ENTREP2: variants seen among roughly 807,000 people sequenced by gnomAD.
The protein encoded by ENTREP2 is endosomal transmembrane epsin interactor 2, also known as protein ENTREP2.
chr15:29,512,582 A>G, the ENTREP2 span, among the ~76,000 whole-genome samples: 1 of 152,332 alleles, frequency 6.6e-6, no homozygotes, highest in East Asian at 1.9e-4. Context: ...TGTTGGGATT[A>G]GTGACCTTAT....
At chr15:29,555,776 T>C in the ENTREP2 span, among the ~76,000 whole-genome samples, 1 of 152,202 alleles carries the variant, frequency 6.6e-6, no homozygotes, top group African/African-American at 2.4e-5. Context: ...TTCCTACCTC[T>C]TTCCTTTTTA....
chr15:29,133,801 C>T, the ENTREP2 span, among the ~76,000 whole-genome samples: 1 of 152,222 alleles, frequency 6.6e-6, no homozygotes, highest in African/African-American at 2.4e-5. Flanking sequence ...CTATGAACTA[C>T]AGCTCCTGTC....
the ENTREP2 span, chr15:29,374,948 T>C: frequency 6.6e-6 from 1 of 152,190 alleles, no homozygotes; most frequent in Non-Finnish European, 1.5e-5. Context: ...TACCTCCATG[T>C]GTCTACTTAA....
chr15:29,352,036 G>C, the ENTREP2 span, among the ~76,000 whole-genome samples: 1 of 152,172 alleles, frequency 6.6e-6, no homozygotes, highest in Admixed American at 6.5e-5. Context: ...CTGGACTCAA[G>C]CGATCCTCCC....
chr15:29,281,078 T>C, the ENTREP2 span, among the ~76,000 whole-genome samples: 3 of 152,210 alleles, frequency 2.0e-5, no homozygotes, highest in Non-Finnish European at 4.4e-5. Flanking sequence ...CATTTACCTC[T>C]AAGCAAATTA....
the ENTREP2 span, among the ~76,000 whole-genome samples, chr15:29,596,720 T>C: frequency 6.6e-6 from 1 of 152,134 alleles, no homozygotes; most frequent in African/African-American, 2.4e-5. Context: ...CAGGCTGGAG[T>C]GCAGTGGTAT....
At chr15:29,631,542 G>A in the ENTREP2 span, among the ~76,000 whole-genome samples, 1 of 152,200 alleles carries the variant, frequency 6.6e-6, no homozygotes, top group Non-Finnish European at 1.5e-5. Context: ...CAATGCGTAT[G>A]TACATCTGCA....
At chr15:29,344,923 C>T in the ENTREP2 span, among the ~76,000 whole-genome samples, 3 of 134,426 alleles carry the variant, frequency 2.2e-5, no homozygotes, top group East Asian at 2.1e-4. Flanking sequence ...TAAACACGCA[C>T]GCGCGCAGAC....
chr15:29,419,909 CT>C, the ENTREP2 span, among the ~76,000 whole-genome samples: 1 of 151,878 alleles, frequency 6.6e-6, no homozygotes, highest in Non-Finnish European at 1.5e-5. Flanking sequence ...CAAACTTACA[CT>C]AAAGAAAAGA....
At chr15:29,149,882 A>G in the ENTREP2 span, among the ~76,000 whole-genome samples, 1 of 152,214 alleles carries the variant, frequency 6.6e-6, no homozygotes, top group Non-Finnish European at 1.5e-5. Context: ...AGGAAGCCGG[A>G]TATTTCTGCT....
At chr15:29,187,766 G>A in the ENTREP2 span, among the ~76,000 whole-genome samples, 1 of 152,250 alleles carries the variant, frequency 6.6e-6, no homozygotes, top group Admixed American at 6.5e-5. Flanking sequence ...CACGCCCCTC[G>A]CTGTAAGCCA....
chr15:29,309,518 G>A, the ENTREP2 span, among the ~76,000 whole-genome samples: 42 of 152,166 alleles, frequency 2.8e-4, no homozygotes, highest in African/African-American at 7.2e-4. Context: ...GGTGGCTCAC[G>A]CATGTAATTC....
the ENTREP2 span, among the ~76,000 whole-genome samples, chr15:29,467,510 G>C: frequency 7.8e-4 from 118 of 152,120 alleles, no homozygotes; most frequent in Non-Finnish European, 1.5e-5. Flanking sequence ...CTGAGTGTTC[G>C]ATGGGAACAC....
At chr15:29,308,738 T>C in the ENTREP2 span, among the ~76,000 whole-genome samples, 1 of 152,106 alleles carries the variant, frequency 6.6e-6, no homozygotes, top group Non-Finnish European at 1.5e-5. Flanking sequence ...AACCCCAACA[T>C]ATGGAGCTCT....
chr15:29,325,370 A>G, the ENTREP2 span, among the ~76,000 whole-genome samples: 1 of 152,156 alleles, frequency 6.6e-6, no homozygotes, highest in African/African-American at 2.4e-5. Context: ...AAAATAATAG[A>G]GAAAATTAGA....
chr15:29,291,435 G>T, the ENTREP2 span, among the ~76,000 whole-genome samples: 6 of 152,150 alleles, frequency 3.9e-5, no homozygotes, highest in Non-Finnish European at 7.3e-5. Flanking sequence ...CTCTGAGGGG[G>T]TTGCCTGCAT....
At chr15:29,174,383 G>A in the ENTREP2 span, among the ~76,000 whole-genome samples, 1 of 152,282 alleles carries the variant, frequency 6.6e-6, no homozygotes, top group East Asian at 1.9e-4. Context: ...CCTTGTCCCA[G>A]GAGTCTGTGA....
the ENTREP2 span, among the ~76,000 whole-genome samples, chr15:29,172,426 T>C: frequency 1.3e-5 from 2 of 152,026 alleles, no homozygotes; most frequent in African/African-American, 4.8e-5. Context: ...TGTCTTCTAG[T>C]GTCTTGCCCA....
At chr15:29,191,206 T>C in the ENTREP2 span, among the ~76,000 whole-genome samples, 1 of 152,168 alleles carries the variant, frequency 6.6e-6, no homozygotes, top group Non-Finnish European at 1.5e-5. Flanking sequence ...CTAGATAATG[T>C]GGCACATGAC....
Sources: allele counts gnomAD v4.1 joint callset (sites outside exome capture counted in the v4.1 genomes callset), GRCh38; gene constraint gnomAD v4.1.1; transcripts MANE v1.5; gene names NCBI Gene and HGNC (gene_info 2026-07-23, HGNC 2026-07-21).